The following ZFHX3 variants were observed in gnomAD, a reference collection of about 807,000 sequenced individuals.
ZFHX3 encodes the protein zinc finger homeobox protein 3.
ZFHX3 carries 42 observed loss-of-function variants against 279.1 expected under a neutral mutation model. The ratio of observed to expected loss-of-function variants is 0.15; its 90% CI spans 0.12 to 0.19. The LOEUF (loss-of-function observed/expected upper bound fraction) is 0.19, where lower values mean the gene tolerates loss of function less well. Among genes scored for constraint, ZFHX3 ranks in the 10% least tolerant of loss-of-function variants. The probability of loss-of-function intolerance (pLI) is 1.00; values close to 1 mark genes in which losing one functional copy is unlikely to be tolerated. For synonymous variants in ZFHX3, 2,293 were observed against 1,957.8 expected (o/e 1.17, Z -4.52); for missense variants, 4,981 against 4,754.0 (o/e 1.05, Z -1.40).
At chr16:73,491,792 A>G (rs1486821021) in intron 2 of ZFHX3, among the ~76,000 whole-genome samples, 1 of 152,110 alleles carries the variant, frequency 6.6e-6, no homozygotes, top group South Asian at 2.1e-4. Context: ...GGTGTCACTG[A>G]CATCTAGTAG....
intron 2 of ZFHX3, among the ~76,000 whole-genome samples, chr16:73,496,522 C>T (rs953924104): frequency 4.5e-4 from 69 of 152,312 alleles, no homozygotes; most frequent in African/African-American, 1.6e-3. Context: ...CACAGCGAGA[C>T]TCCATCTTAA....
chr16:73,836,004 G>C (rs529754231), intron 1 of ZFHX3, among the ~76,000 whole-genome samples: 2 of 152,258 alleles, frequency 1.3e-5, no homozygotes, highest in African/African-American at 4.8e-5. Flanking sequence ...TACTCACTTT[G>C]CATGGAAAGG....
At chr16:73,764,716 A>C (rs1420467472) in intron 1 of ZFHX3, among the ~76,000 whole-genome samples, 2 of 152,156 alleles carry the variant, frequency 1.3e-5, no homozygotes, top group African/African-American at 2.4e-5. Flanking sequence ...CAGGTGGGAA[A>C]TTTTCTAAAA....
chr16:73,875,017 T>C (rs1049006285), intron 1 of ZFHX3, among the ~76,000 whole-genome samples: 2 of 152,190 alleles, frequency 1.3e-5, no homozygotes, highest in African/African-American at 4.8e-5. Flanking sequence ...TGCTAGTACA[T>C]GCTGCATACA....
chr16:73,379,788 A>G (rs2016788829), intron 3 of ZFHX3, among the ~76,000 whole-genome samples: 1 of 152,180 alleles, frequency 6.6e-6, no homozygotes, highest in Non-Finnish European at 1.5e-5. Flanking sequence ...CACTTATCCT[A>G]CTCTGCAGGG....
chr16:73,003,519 C>CCG (rs1555539738), intron 1 of ZFHX3, among the ~76,000 whole-genome samples: 22 of 144,258 alleles, frequency 1.5e-4, no homozygotes, highest in Non-Finnish European at 2.7e-4. Flanking sequence ...GAGACCCCCC[C>CCG]CTCCCCACCC....
chr16:72,930,771 G>A (rs771723896), intron 3 of ZFHX3, among the ~76,000 whole-genome samples: 5 of 152,130 alleles, frequency 3.3e-5, no homozygotes, highest in Non-Finnish European at 7.3e-5. Context: ...GAAGATTACG[G>A]TTCTGGTAAG....
intron 1 of ZFHX3, among the ~76,000 whole-genome samples, chr16:72,983,385 G>C (rs1019445395): frequency 1.3e-5 from 2 of 152,196 alleles, no homozygotes; most frequent in African/African-American, 4.8e-5. Flanking sequence ...ATCCCAGCTG[G>C]AATGAGGGCA....
chr16:72,904,367 A>AAAATAAAT (rs200166214), intron 3 of ZFHX3, among the ~76,000 whole-genome samples: 451 of 140,060 alleles, frequency 3.2e-3, no homozygotes, highest in East Asian at 0.012. Flanking sequence ...ATTCTGTCTC[A>AAAATAAAT]AAATAAATAA....
chr16:73,024,348 G>A (rs1351032742), intron 1 of ZFHX3, among the ~76,000 whole-genome samples: 4 of 152,116 alleles, frequency 2.6e-5, no homozygotes, highest in African/African-American at 9.7e-5. Flanking sequence ...TTGATGGCCA[G>A]TCTCCACCAA....
intron 3 of ZFHX3, among the ~76,000 whole-genome samples, chr16:73,356,310 C>T (rs1322739797): frequency 1.3e-5 from 2 of 150,602 alleles, no homozygotes; most frequent in East Asian, 1.9e-4. Context: ...GTAACACCCT[C>T]ATTTGTTCTT....
rs529435893 is a variant in ZFHX3, at chr16:73,729,209, C to T, written c.-1607-48969G>A. The stretch of plus-strand genomic sequence containing the variant: ...ACCACACCCACTGCTGGCTGCCTTC[C>T]TTCCCTGCTACCTCCCTTACAACAC... On this transcript the variant is annotated intron_variant, in intron 1 of 17. Coordinates refer to the ZFHX3 transcript ENST00000641206. Among the ~76,000 whole-genome samples, 198 of 152,284 alleles carry T rather than the reference C, an allele frequency of 1.3e-3. 1 individual carries two copies. The highest frequency in any genetic ancestry group is 4.4e-3 in the African/African-American group (183 of 41,586).
At chr16:73,082,970 G>T (rs138516304) in intron 8 of ZFHX3, among the ~76,000 whole-genome samples, 194 of 150,628 alleles carry the variant, frequency 1.3e-3, no homozygotes, top group African/African-American at 4.5e-3. Flanking sequence ...GATTACTTGA[G>T]GTCAGGAGTT....
intron 1 of ZFHX3, among the ~76,000 whole-genome samples, chr16:73,851,554 G>T (rs1360632635): frequency 6.6e-6 from 1 of 152,182 alleles, no homozygotes; most frequent in Non-Finnish European, 1.5e-5. Context: ...GGGACATTAA[G>T]TAAACTCACG....
At chr16:72,990,699 G>A (rs1963050988) in intron 1 of ZFHX3, among the ~76,000 whole-genome samples, 1 of 152,190 alleles carries the variant, frequency 6.6e-6, no homozygotes, top group Non-Finnish European at 1.5e-5. Flanking sequence ...GGTCAATAAT[G>A]GCTGGGCGCA....
chr16:73,452,733 G>A (rs1174486191), intron 3 of ZFHX3, among the ~76,000 whole-genome samples: 1 of 152,202 alleles, frequency 6.6e-6, no homozygotes, highest in Non-Finnish European at 1.5e-5. Flanking sequence ...GCTTGTGCCT[G>A]TCTAAAGTTT....
At chr16:72,973,434 T>C (rs1962194167) in intron 1 of ZFHX3, 2 of 152,238 alleles carry the variant, frequency 1.3e-5, no homozygotes, top group South Asian at 4.1e-4. Flanking sequence ...CCAACTAGGA[T>C]TCCTCCCCAT....
chr16:73,709,219 G>C (rs1241082708), intron 1 of ZFHX3, among the ~76,000 whole-genome samples: 1 of 152,022 alleles, frequency 6.6e-6, no homozygotes, highest in Non-Finnish European at 1.5e-5. Context: ...AGAAAAATTA[G>C]CCAGGCCTAG....
chr16:73,802,116 C>T (rs1246913923), intron 1 of ZFHX3, among the ~76,000 whole-genome samples: 1 of 152,118 alleles, frequency 6.6e-6, no homozygotes, highest in Non-Finnish European at 1.5e-5. Context: ...AAGCCCCGGG[C>T]TGTGGAAACT....
Sources: allele counts gnomAD v4.1 joint callset (sites outside exome capture counted in the v4.1 genomes callset), GRCh38; gene constraint gnomAD v4.1.1; transcripts MANE v1.5; gene names NCBI Gene and HGNC (gene_info 2026-07-23, HGNC 2026-07-21).